The following ANKRD62 variants were observed in gnomAD, a reference collection of about 807,000 sequenced individuals.
ANKRD62 encodes the protein ankyrin repeat domain-containing protein 62.
ANKRD62 carries 61 observed loss-of-function variants against 98.8 expected under a neutral mutation model. That is an observed-to-expected ratio of 0.62 (90% CI 0.50 to 0.76). The LOEUF is 0.76. ANKRD62 is among the 30% of genes least tolerant of loss of function. The pLI is 0.00. For synonymous variants in ANKRD62, 341 were observed against 367.9 expected, an observed-to-expected ratio of 0.93 and a Z score of 0.84; for missense variants, 933 against 1,082.9, an observed-to-expected ratio of 0.86 and a Z score of 1.94.
At chr18:12,116,346 T>C (rs1382523424) in intron 10 of ANKRD62, among the ~76,000 whole-genome samples, 2 of 152,244 alleles carry the variant, frequency 1.3e-5, no homozygotes, top group Admixed American at 1.3e-4. Flanking sequence ...AGTATTGCAG[T>C]ATTTATTTGT....
rs546914106 is a variant in ANKRD62, at chr18:12,125,506, A to C, written c.1685A>C (p.His562Pro). ...ERERDLWQEN[H>P]LMRDEIARLR... The stretch of plus-strand genomic sequence containing the variant: ...GAAAGAGACCTGTGGCAGGAAAATC[A>C]CTTGATGCGGGATGAAATTGCCAGA... Residue 562 changes from histidine to proline, a missense_variant, in exon 13 of 14, where the codon CAC becomes CCC. Physicochemically the swap from His to Pro is moderately conservative, Grantham distance 77. Coordinates refer to ENST00000587848, the MANE Select transcript of ANKRD62 (RefSeq NM_001277333.2). The C allele has an allele frequency of 4.7e-6, 7 of 1,490,282 alleles. No individual in the cohort carries two copies. In the South Asian group the frequency reaches 9.4e-5, roughly 20 times the overall value. 92.3% of individuals were successfully genotyped at this position (1,490,282 alleles called of 1,614,324 possible). A position where few individuals can be genotyped will look rare whatever the true frequency, so the allele number is the denominator to read the frequency against.
chr18:12,159,397 T>C, the ANKRD62 span, among the ~76,000 whole-genome samples: 1 of 152,214 alleles, frequency 6.6e-6, no homozygotes, highest in African/African-American at 2.4e-5. Context: ...AATTTAGTAC[T>C]TAACAAATTG....
the ANKRD62 span, among the ~76,000 whole-genome samples, chr18:12,138,251 G>A: frequency 4.6e-5 from 7 of 152,088 alleles, no homozygotes; most frequent in Non-Finnish European, 1.0e-4. Context: ...TTGTGTCTTT[G>A]TTCTCCTTGG....
chr18:12,141,138 T>C, the ANKRD62 span, among the ~76,000 whole-genome samples: 2 of 152,232 alleles, frequency 1.3e-5, no homozygotes, highest in African/African-American at 4.8e-5. Context: ...TCTGTGGGCG[T>C]AGGACTCTCC....
the ANKRD62 span, among the ~76,000 whole-genome samples, chr18:12,135,712 C>T: frequency 6.6e-6 from 1 of 151,932 alleles, no homozygotes; most frequent in Non-Finnish European, 1.5e-5. Context: ...CTGTTGTTTC[C>T]TGACTTTTTA....
intron 7 of ANKRD62, among the ~76,000 whole-genome samples, chr18:12,106,287 C>T (rs929677173): frequency 5.9e-5 from 9 of 152,118 alleles, no homozygotes; most frequent in African/African-American, 2.2e-4. Flanking sequence ...ACCATGGATT[C>T]TCAGCCCAAA....
chr18:12,127,852 A>T lies in ANKRD62; in HGVS notation c.2667A>T (p.Glu889Asp). The T allele has an allele frequency of 6.6e-7, 1 of 1,526,184 alleles. No homozygotes were observed. Among genetic ancestry groups the T allele is most frequent in the Non-Finnish European group, 8.7e-7 (1 of 1,143,032 alleles). 94.5% of individuals were successfully genotyped at this position (1,526,184 alleles called of 1,614,324 possible). The stretch of plus-strand genomic sequence containing the variant: ...CATCAGAACGTCGTATTAATTTAGA[A>T]GATGAGGCACAAAGTTTAAAAAAGA... Reference protein sequence around the residue: ...EISSERRINLEDEAQSLKKKL... With the variant: ...EISSERRINLDDEAQSLKKKL... Residue 889 changes from glutamate to aspartate, a missense_variant, in exon 14 of 14, where the codon GAA becomes GAT. By Grantham distance (45) the Glu-to-Asp change is conservative (BLOSUM62 2). Coordinates refer to ENST00000587848, the MANE Select transcript of ANKRD62 (RefSeq NM_001277333.2).
intron 10 of ANKRD62, among the ~76,000 whole-genome samples, chr18:12,119,344 T>C (rs1568064287): frequency 1.9e-5 from 1 of 53,964 alleles, no homozygotes; most frequent in African/African-American, 6.3e-5. Flanking sequence ...GCTGATCTTC[T>C]TCTTTTTTTT....
the ANKRD62 span, among the ~76,000 whole-genome samples, chr18:12,154,162 C>T: frequency 6.6e-6 from 1 of 152,272 alleles, no homozygotes; most frequent in East Asian, 1.9e-4. Context: ...ACAGAACAAA[C>T]AGCCTACAAA....
chr18:12,157,250 A>G, the ANKRD62 span, among the ~76,000 whole-genome samples: 1 of 152,150 alleles, frequency 6.6e-6, no homozygotes, highest in African/African-American at 2.4e-5. Flanking sequence ...TATACAGTAA[A>G]ATTTATTCTT....
the ANKRD62 span, among the ~76,000 whole-genome samples, chr18:12,175,267 C>T: frequency 4.6e-5 from 7 of 152,122 alleles, no homozygotes; most frequent in African/African-American, 1.2e-4. Context: ...CCTAGTTTCA[C>T]TCCCACGGCA....
Position 12,099,683 on chromosome 18 carries a change from G to T in ANKRD62, c.820+1G>T. 1 of 1,455,958 alleles carries T rather than the reference G, an allele frequency of 6.9e-7. No individual in the cohort carries two copies. The highest frequency in any genetic ancestry group is 9.1e-7 in the Non-Finnish European group (1 of 1,099,194). 90.2% of individuals were successfully genotyped at this position (1,455,958 alleles called of 1,614,324 possible). A position where few individuals can be genotyped will look rare whatever the true frequency, so the allele number is the denominator to read the frequency against. On this transcript the variant is annotated splice_donor_variant, in intron 6 of 13. Transcript: ENST00000587848. LOFTEE classifies it high-confidence loss of function. ...AAAAGTCTTCAAAATAGCAATTCAG[G>T]TATGACTTCTGATAGTGAATTCCTC...
chr18:12,167,381 T>C, the ANKRD62 span, among the ~76,000 whole-genome samples: 1 of 152,050 alleles, frequency 6.6e-6, no homozygotes, highest in Non-Finnish European at 1.5e-5. Context: ...TGAGAACATG[T>C]GGTGTTTGGT....
chr18:12,169,176 T>C, the ANKRD62 span, among the ~76,000 whole-genome samples: 7 of 152,186 alleles, frequency 4.6e-5, no homozygotes, highest in African/African-American at 1.4e-4. Context: ...CTATGTTGAA[T>C]AGGAATGGTG....
chr18:12,136,638 A>G, the ANKRD62 span, among the ~76,000 whole-genome samples: 1 of 152,184 alleles, frequency 6.6e-6, no homozygotes, highest in African/African-American at 2.4e-5. Flanking sequence ...CTTGGGCAGT[A>G]TGGCCATTTT....
chr18:12,118,359 G>A (rs373458800), intron 10 of ANKRD62, among the ~76,000 whole-genome samples: 20 of 152,216 alleles, frequency 1.3e-4, no homozygotes, highest in African/African-American at 4.3e-4. Context: ...TGTAATCCCA[G>A]CACTTTTGGG....
the ANKRD62 span, among the ~76,000 whole-genome samples, chr18:12,164,445 C>T: frequency 4.0e-5 from 6 of 151,762 alleles, no homozygotes; most frequent in African/African-American, 1.4e-4. Context: ...TTCAGAAAAA[C>T]AACTTTTTGT....
the ANKRD62 span, among the ~76,000 whole-genome samples, chr18:12,177,274 A>G: frequency 2.6e-5 from 4 of 152,280 alleles, no homozygotes; most frequent in African/African-American, 9.6e-5. Flanking sequence ...ACAGAGGATG[A>G]TGTTCGAGAA....
the ANKRD62 span, among the ~76,000 whole-genome samples, chr18:12,170,341 A>C: frequency 1.3e-5 from 2 of 152,028 alleles, no homozygotes; most frequent in Admixed American, 6.6e-5. Context: ...CTTTGTTCTC[A>C]TTGGTTTCAA....
Sources: gnomAD v4.1 joint callset for allele counts (sites outside exome capture counted in the v4.1 genomes callset) on GRCh38, gnomAD v4.1.1 for gene constraint, MANE v1.5 for transcripts, NCBI Gene and HGNC (gene_info 2026-07-23, HGNC 2026-07-21) for gene names.